Variants in ZNF333 observed in about 807,000 individuals in gnomAD.
The protein encoded by ZNF333 is zinc finger protein 333.
A neutral mutation model predicts 76.1 loss-of-function variants in ZNF333; 61 were observed. The ratio of observed to expected loss-of-function variants is 0.80; its 90% CI spans 0.65 to 0.99. The LOEUF (loss-of-function observed/expected upper bound fraction) is 0.99, where lower values mean the gene tolerates loss of function less well. Among genes scored for constraint, ZNF333 ranks in the 50% least tolerant of loss-of-function variants. The pLI is 0.00. For synonymous variants in ZNF333, 284 were observed against 305.0 expected, an observed-to-expected ratio of 0.93 and a Z score of 0.72; for missense variants, 717 against 822.4, an observed-to-expected ratio of 0.87 and a Z score of 1.57.
chr19:14,704,310 A>T (rs1436231072), intron 5 of ZNF333, among the ~76,000 whole-genome samples: 1 of 151,810 alleles, frequency 6.6e-6, no homozygotes, highest in Non-Finnish European at 1.5e-5. Context: ...TTTAAGACAC[A>T]ATCTCGCTCT....
At chr19:14,698,200 C>A (rs1035141965) in intron 4 of ZNF333, among the ~76,000 whole-genome samples, 1 of 151,622 alleles carries the variant, frequency 6.6e-6, no homozygotes, top group Non-Finnish European at 1.5e-5. Flanking sequence ...ATGGTGAAAC[C>A]CTGTCTCTAC....
chr19:14,714,972 A>C (rs2042383109), intron 7 of ZNF333: 1 of 169,662 alleles, frequency 5.9e-6, no homozygotes, highest in Non-Finnish European at 1.3e-5. Flanking sequence ...TGGGGGCTGC[A>C]GGAGCTTTGG....
At chr19:14,729,360 C>T (rs2042653741) in intron 11 of ZNF333, among the ~76,000 whole-genome samples, 1 of 146,920 alleles carries the variant, frequency 6.8e-6, no homozygotes, top group South Asian at 2.2e-4. Flanking sequence ...AAACGATACA[C>T]TTTTTTTTTT....
chr19:14,697,012 C>T (rs897579421), intron 4 of ZNF333, among the ~76,000 whole-genome samples: 1 of 152,176 alleles, frequency 6.6e-6, no homozygotes, highest in Non-Finnish European at 1.5e-5. Context: ...GCTGGGATTA[C>T]AGGCGTGAGC....
At chr19:14,698,121 C>T (rs1973356479) in intron 4 of ZNF333, among the ~76,000 whole-genome samples, 1 of 152,222 alleles carries the variant, frequency 6.6e-6, no homozygotes, top group East Asian at 1.9e-4. Flanking sequence ...CATGGTGGCT[C>T]ATGCCTGCAG....
At position 14,706,707 on chromosome 19, in the gene ZNF333, A is replaced by G; in HGVS notation, c.445A>G (p.Ile149Val). ...GCTGLKAAMQ[I>V]QRVVIPVPTL... ...CCAGGGACTGAAGGCCGCTATGCAG[A>G]TTCAGAGGGTGGTGATACCAGTGCC... The change falls in exon 7 of 12, where the codon ATT becomes GTT. Residue 149 changes from isoleucine to valine, a missense_variant. By Grantham distance (29) the Ile-to-Val change is conservative. Transcript: ENST00000292530. 4 of 1,614,118 alleles carry G rather than the reference A, an allele frequency of 2.5e-6. No homozygotes were observed. Among genetic ancestry groups the G allele is most frequent in the East Asian group, 2.2e-5 (1 of 44,884 alleles).
At chr19:14,705,018 C>A in intron 5 of ZNF333, 36 bp from the exon 6 acceptor site, 1 of 1,600,174 alleles carries the variant, frequency 6.2e-7, no homozygotes, top group East Asian at 2.2e-5. Flanking sequence ...GTGGTGCCAA[C>A]TCTGTCCTGC....
chr19:14,723,884 GA>G (rs1194803023), downstream of ZNF333, among the ~76,000 whole-genome samples: 1 of 152,194 alleles, frequency 6.6e-6, no homozygotes, highest in Non-Finnish European at 1.5e-5. Context: ...GGATGGAGAT[GA>G]AATAGCCTTT....
intron 11 of ZNF333, among the ~76,000 whole-genome samples, chr19:14,730,846 T>G (rs2042665147): frequency 6.6e-6 from 1 of 151,704 alleles, no homozygotes; most frequent in Admixed American, 6.6e-5. Flanking sequence ...TGTCTAATGC[T>G]CCCATCTTTA....
chr19:14,712,254 C>T (rs2042298984), intron 7 of ZNF333, among the ~76,000 whole-genome samples: 2 of 151,512 alleles, frequency 1.3e-5, no homozygotes, highest in Non-Finnish European at 1.5e-5. Context: ...TAGTCTTGCT[C>T]CGTTGCCCAG....
chr19:14,719,451 C>T lies in ZNF333; in HGVS notation c.*126C>T, dbSNP rs2030930120. 3.4e-6 allele frequency: 4 copies of T among 1,189,056 alleles called. No individual in the cohort carries two copies. The highest frequency in any genetic ancestry group is 4.6e-6 in the Non-Finnish European group (4 of 878,370). 73.7% of individuals were successfully genotyped at this position (1,189,056 alleles called of 1,614,324 possible). On this transcript the variant is annotated 3_prime_UTR_variant, in exon 12 of 12. Transcript: ENST00000292530. ...GTTTAATTGTAAGTATTGTCTTAAC[C>T]TCCATTATCGTTTATTCTTTGACCC...
intron 1 of ZNF333, 135 bp from the exon 2 acceptor site, chr19:14,693,316 T>C: frequency 1.9e-6 from 1 of 525,858 alleles, no homozygotes; most frequent in Non-Finnish European, 3.3e-6. Flanking sequence ...AAAGGTGCCT[T>C]GGGGGCCAAC....
chr19:14,706,540 C>T (rs1022167123), intron 6 of ZNF333, 146 bp from the exon 7 acceptor site: 13 of 713,072 alleles, frequency 1.8e-5, no homozygotes, highest in Non-Finnish European at 3.2e-5. Flanking sequence ...TGGGTAAATC[C>T]TGACAAGGTA....
chr19:14,724,431 T>C (rs1324399443), downstream of ZNF333, among the ~76,000 whole-genome samples: 1 of 152,146 alleles, frequency 6.6e-6, no homozygotes, highest in Non-Finnish European at 1.5e-5. Flanking sequence ...CGAGGATGGG[T>C]CACACTTGGT....
At position 14,719,047 on chromosome 19, in the gene ZNF333, C is replaced by A. The variant is rs757879231; in HGVS notation, c.1720C>A (p.Pro574Thr). The A allele has an allele frequency of 6.2e-7, 1 of 1,614,084 alleles. No homozygotes were observed. Among genetic ancestry groups the A allele is most frequent in the Non-Finnish European group, 8.5e-7 (1 of 1,180,006 alleles). ...GGAATGTGGGCGAGCCTTCAGTGAG[C>A]CCTCATCCCTCAGGAAACATGCAAG... ...CQECGRAFSEPSSLRKHARTH... is the reference protein window; with the variant it reads ...CQECGRAFSETSSLRKHARTH... Residue 574 changes from proline to threonine, a missense_variant, in exon 12 of 12, where the codon CCC (proline) becomes ACC (threonine). Pro to Thr is a conservative substitution (Grantham distance 38, BLOSUM62 -1). Transcript: ENST00000292530.
intron 5 of ZNF333, chr19:14,701,519 A>G: frequency 1.1e-6 from 1 of 944,132 alleles, no homozygotes; most frequent in Non-Finnish European, 1.3e-6. Context: ...GAAGGAATGG[A>G]TAAGGTGTTG....
intron 1 of ZNF333, among the ~76,000 whole-genome samples, chr19:14,690,442 C>A (rs1256669330): frequency 6.6e-6 from 1 of 152,224 alleles, no homozygotes; most frequent in South Asian, 2.1e-4. Context: ...CCGGCCCCAG[C>A]TCTCACCTGT....
At position 14,695,130 on chromosome 19, in the gene ZNF333, A is replaced by AG; in HGVS notation, c.127+1dup. The AG allele has an allele frequency of 6.2e-7, 1 of 1,613,348 alleles. No individual in the cohort carries two copies. Among genetic ancestry groups the AG allele is most frequent in the Non-Finnish European group, 8.5e-7 (1 of 1,179,474 alleles). ...TGACCAGTGCAGGACCCTGGCCTCC[A>AG]GGGGTAAGGCTGGCGTCACCTGGCT... On this transcript the variant is annotated frameshift_variant, in exon 3 of 12. Coordinates refer to ENST00000292530, the MANE Select transcript of ZNF333 (RefSeq NM_032433.4). LOFTEE classifies it high-confidence loss of function.
chr19:14,702,361 A>G (rs1328715234), intron 5 of ZNF333, among the ~76,000 whole-genome samples: 1 of 152,182 alleles, frequency 6.6e-6, no homozygotes, highest in Non-Finnish European at 1.5e-5. Context: ...CAAAACATAC[A>G]AAAATTAGTC....
Sources: allele counts gnomAD v4.1 joint callset (sites outside exome capture counted in the v4.1 genomes callset), GRCh38; gene constraint gnomAD v4.1.1; transcripts MANE v1.5; gene names NCBI Gene and HGNC (gene_info 2026-07-23, HGNC 2026-07-21).